Variants in FTO observed in about 807,000 individuals in gnomAD.
The protein encoded by FTO is FTO alpha-ketoglutarate dependent dioxygenase, also known as alpha-ketoglutarate-dependent dioxygenase FTO.
In FTO, 47 loss-of-function variants were observed where a neutral mutation model predicts 63.9. The ratio of observed to expected loss-of-function variants is 0.74; its 90% confidence interval spans 0.58 to 0.94. The LOEUF (loss-of-function observed/expected upper bound fraction) is 0.94. Ranked by LOEUF, FTO falls within the 40% of genes least tolerant of loss-of-function variation. The probability of loss-of-function intolerance (pLI) is 0.00; values close to 1 mark genes in which losing one functional copy is unlikely to be tolerated. For synonymous variants in FTO, 207 were observed against 224.4 expected (o/e 0.92, Z 0.69); for missense variants, 562 against 618.1 (o/e 0.91, Z 0.96).
chr16:54,025,183 A>G (rs1168169061), intron 8 of FTO, among the ~76,000 whole-genome samples: 1 of 152,214 alleles, frequency 6.6e-6, no homozygotes, highest in Non-Finnish European at 1.5e-5. Context: ...CAGTCCCACT[A>G]AGACTGCACA....
chr16:54,063,056 G>A (rs2085624258), intron 8 of FTO, among the ~76,000 whole-genome samples: 1 of 152,154 alleles, frequency 6.6e-6, no homozygotes, highest in Non-Finnish European at 1.5e-5. Context: ...GGTGCAGGTG[G>A]GATGAGAAGA....
chr16:53,879,702 A>G (rs2080769356), intron 5 of FTO, 142 bp from the exon 6 acceptor site: 1 of 769,092 alleles, frequency 1.3e-6, no homozygotes, highest in Non-Finnish European at 2.0e-6. Flanking sequence ...AAAAAAAAAA[A>G]AAAAAAAAAA....
intron 1 of FTO, among the ~76,000 whole-genome samples, chr16:53,798,966 C>G (rs1305060694): frequency 6.6e-6 from 1 of 152,154 alleles, no homozygotes; most frequent in Non-Finnish European, 1.5e-5. Flanking sequence ...TTGTCTAATG[C>G]TCTTACATCT....
At chr16:53,848,531 C>T (rs548354135) in intron 4 of FTO, among the ~76,000 whole-genome samples, 61 of 152,216 alleles carry the variant, frequency 4.0e-4, no homozygotes, top group African/African-American at 1.4e-3. Context: ...TAGACATGAC[C>T]AGATTTGCAA....
intron 8 of FTO, among the ~76,000 whole-genome samples, chr16:54,019,725 C>A (rs548675481): frequency 6.6e-6 from 1 of 152,226 alleles, no homozygotes; most frequent in South Asian, 2.1e-4. Flanking sequence ...GATTTGACAT[C>A]CAGGATACCA....
intron 8 of FTO, among the ~76,000 whole-genome samples, chr16:54,102,797 G>C: frequency 6.6e-6 from 1 of 152,078 alleles, no homozygotes; most frequent in Admixed American, 6.6e-5. Context: ...CCACAGGAAG[G>C]ACTCTCTAAT....
At chr16:53,722,751 C>A (rs1275342322) in intron 1 of FTO, among the ~76,000 whole-genome samples, 1 of 151,968 alleles carries the variant, frequency 6.6e-6, no homozygotes, top group African/African-American at 2.4e-5. Flanking sequence ...TCGCTTGAAC[C>A]CGGGAGGCGG....
chr16:53,851,757 A>G (rs1389885401), intron 4 of FTO, among the ~76,000 whole-genome samples: 1 of 152,040 alleles, frequency 6.6e-6, no homozygotes, highest in Admixed American at 6.5e-5. Context: ...TATGTCATTC[A>G]TATTATTATT....
intron 8 of FTO, among the ~76,000 whole-genome samples, chr16:54,097,730 G>A (rs1220187236): frequency 1.3e-5 from 2 of 152,166 alleles, no homozygotes; most frequent in African/African-American, 2.4e-5. Flanking sequence ...GCTCATGTGC[G>A]TGTGCACACA....
intron 8 of FTO, among the ~76,000 whole-genome samples, chr16:54,051,367 A>G (rs906792405): frequency 6.6e-6 from 1 of 152,244 alleles, no homozygotes; most frequent in African/African-American, 2.4e-5. Context: ...ATAGCTGCCT[A>G]GCCAGTGCAC....
At chr16:53,926,422 C>G (rs1042953190) in intron 7 of FTO, among the ~76,000 whole-genome samples, 1 of 152,186 alleles carries the variant, frequency 6.6e-6, no homozygotes, top group Admixed American at 6.5e-5. Flanking sequence ...AAGTATCCAT[C>G]AGGAGTCCAC....
intron 8 of FTO, among the ~76,000 whole-genome samples, chr16:53,946,585 T>A (rs921190497): frequency 6.6e-6 from 1 of 152,230 alleles, no homozygotes; most frequent in Non-Finnish European, 1.5e-5. Flanking sequence ...ATTCTTATAT[T>A]TTTTTTCACT....
intron 2 of FTO, among the ~76,000 whole-genome samples, chr16:53,823,383 G>A (rs747269722): frequency 6.6e-6 from 1 of 152,042 alleles, no homozygotes; most frequent in Non-Finnish European, 1.5e-5. Flanking sequence ...TTCCCTAGGT[G>A]ATCTCATTCA....
At chr16:53,795,765 T>A (rs1474334703) in intron 1 of FTO, among the ~76,000 whole-genome samples, 1 of 152,088 alleles carries the variant, frequency 6.6e-6, no homozygotes, top group Non-Finnish European at 1.5e-5. Context: ...AAATGCCAAT[T>A]ACCTACGAAA....
chr16:53,818,801 C>T (rs1263728229), intron 2 of FTO, among the ~76,000 whole-genome samples: 1 of 151,996 alleles, frequency 6.6e-6, no homozygotes, highest in African/African-American at 2.4e-5. Flanking sequence ...TTTAATATTC[C>T]ATCACGTGGT....
At chr16:54,041,258 C>T (rs1021513572) in intron 8 of FTO, among the ~76,000 whole-genome samples, 33 of 151,974 alleles carry the variant, frequency 2.2e-4, no homozygotes, top group African/African-American at 5.3e-4. Context: ...GAAAGCAAGA[C>T]GGCAGGAGAG....
chr16:53,738,540 C>T (rs185948486), intron 1 of FTO, among the ~76,000 whole-genome samples: 12 of 152,174 alleles, frequency 7.9e-5, no homozygotes, highest in East Asian at 3.9e-4. Context: ...TTATGAAAAA[C>T]GCTTCTATAA....
At chr16:53,986,555 G>A (rs1192535294) in intron 8 of FTO, among the ~76,000 whole-genome samples, 1 of 152,142 alleles carries the variant, frequency 6.6e-6, no homozygotes, top group Non-Finnish European at 1.5e-5. Flanking sequence ...AATACAAAAA[G>A]GGTACTCTGA....
rs1478341690 is a variant in FTO at position 54,111,689 on chromosome 16, C to A, written c.1365-73C>A. 12 of 1,546,212 alleles carry A rather than the reference C, an allele frequency of 7.8e-6. No homozygotes were observed. In the East Asian group the frequency reaches 2.2e-4, roughly 29 times the overall value. On this transcript the variant is annotated intron_variant, in intron 8 of 8. Coordinates refer to ENST00000471389, the MANE Select transcript of FTO (RefSeq NM_001080432.3). Reference sequence around the variant, plus strand: ...CTTTGGAGCATTGGCCAGTGTTGCTCCAAGCTTCCTGTGGGTTGGGGTCTT... The same window carrying A: ...CTTTGGAGCATTGGCCAGTGTTGCTACAAGCTTCCTGTGGGTTGGGGTCTT...
Sources: gnomAD v4.1 joint callset for allele counts (sites outside exome capture counted in the v4.1 genomes callset) on GRCh38, gnomAD v4.1.1 for gene constraint, MANE v1.5 for transcripts, NCBI Gene and HGNC (gene_info 2026-07-23, HGNC 2026-07-21) for gene names.